Variants in EMB observed in about 807,000 individuals in gnomAD.
EMB encodes the protein embigin homolog.
Under a neutral mutation model 41.4 loss-of-function variants are expected in EMB, and 31 were observed. That is an observed-to-expected ratio of 0.75 (90% CI 0.56 to 1.01). EMB has a LOEUF of 1.01. Ranked by LOEUF, EMB falls within the 50% of genes least tolerant of loss-of-function variation. The pLI, the probability that EMB is intolerant of heterozygous loss-of-function variation, is 0.00. For synonymous variants in EMB, 137 were observed against 140.4 expected, an observed-to-expected ratio of 0.98 and a Z score of 0.17; for missense variants, 379 against 388.3, an observed-to-expected ratio of 0.98 and a Z score of 0.20.
Position 50,399,278 on chromosome 5 carries a change from G to A in EMB, c.979C>T (p.Gln327Ter), listed in dbSNP as rs1392060954. 6.2e-7 allele frequency: 1 copy of A among 1,607,696 alleles called. No individual in the cohort carries two copies. Among genetic ancestry groups the A allele is most frequent in the East Asian group, 2.2e-5 (1 of 44,626 alleles). Residue 327 changes from glutamine to a stop codon, truncating the protein, a stop_gained, in exon 9 of 9, where the codon CAG becomes TAG. Transcript: ENST00000303221. LOFTEE classifies it high-confidence loss of function. ...CTCGACATGATGTTTTGTATTCACT[G>A]GCCCAGAGACTCCTGAGTTAAATAA... The part of the protein sequence containing the change: ...PRHRKNESLG[Q>*]
At position 50,435,423 on chromosome 5, in the gene EMB, G is replaced by A. The variant is rs142626045; in HGVS notation, c.112+5617C>T. Among the ~76,000 whole-genome samples, 966 of 152,254 alleles carry A rather than the reference G, an allele frequency of 6.3e-3. 6 individuals are homozygous for A. Among genetic ancestry groups the A allele is most frequent in the Non-Finnish European group, 7.6e-3 (516 of 68,018 alleles). On this transcript the variant is annotated intron_variant, in intron 1 of 8. Transcript: ENST00000303221. Reference sequence around the variant, plus strand: ...TTCCAGCTCAGAATCACACATTGCCGTTGGCTATCACTTCTCTCTAATGTG... The same window carrying A: ...TTCCAGCTCAGAATCACACATTGCCATTGGCTATCACTTCTCTCTAATGTG...
chr5:50,441,687 G>C (rs1001474306), upstream of EMB, among the ~76,000 whole-genome samples: 1 of 152,192 alleles, frequency 6.6e-6, no homozygotes, highest in Admixed American at 6.5e-5. Flanking sequence ...CCAGCTGCCA[G>C]ACAACTTGTG....
At chr5:50,435,623 A>G (rs1745791653) in intron 1 of EMB, among the ~76,000 whole-genome samples, 1 of 152,074 alleles carries the variant, frequency 6.6e-6, no homozygotes, top group African/African-American at 2.4e-5. Flanking sequence ...ATGGCATACC[A>G]TTTTTTTGGT....
intron 2 of EMB, among the ~76,000 whole-genome samples, chr5:50,420,619 A>G (rs1164912155): frequency 6.6e-6 from 1 of 152,152 alleles, no homozygotes; most frequent in Non-Finnish European, 1.5e-5. Context: ...TAATTTGTTT[A>G]CTTACTTATC....
chr5:50,402,380 T>C (rs896720851), intron 6 of EMB, 61 bp from the exon 7 acceptor site: 2 of 1,468,680 alleles, frequency 1.4e-6, no homozygotes, highest in Non-Finnish European at 9.5e-7. Flanking sequence ...GGAACATATA[T>C]GCTCAATTAA....
intron 2 of EMB, among the ~76,000 whole-genome samples, chr5:50,419,199 G>C (rs1745475433): frequency 6.6e-6 from 1 of 152,116 alleles, no homozygotes; most frequent in Admixed American, 6.6e-5. Flanking sequence ...TGTTCTTGTA[G>C]CTATAAATCA....
chr5:50,408,130 A>G (rs931803906), intron 4 of EMB, among the ~76,000 whole-genome samples: 4 of 152,022 alleles, frequency 2.6e-5, no homozygotes, highest in Admixed American at 2.6e-4. Flanking sequence ...AGGGGAAGAC[A>G]GATAGTTGAG....
rs574258010 is a variant in EMB, at chr5:50,413,173, C to T, written c.197-1790G>A. Among the ~76,000 whole-genome samples, 6 of 152,342 alleles carry T rather than the reference C, an allele frequency of 3.9e-5. No homozygotes were observed. In the South Asian group the frequency reaches 1.2e-3, roughly 32 times the overall value. ...AAGCATGTACCTTGTTTGTCCTACACTAACTGTATCACTGGCTAACCAAAC... is the reference window on the plus strand; with the variant it reads ...AAGCATGTACCTTGTTTGTCCTACATTAACTGTATCACTGGCTAACCAAAC... On this transcript the variant is annotated intron_variant, in intron 2 of 8. Coordinates refer to ENST00000303221, the MANE Select transcript of EMB (RefSeq NM_198449.3).
At chr5:50,415,053 A>G (rs1745406598) in intron 2 of EMB, among the ~76,000 whole-genome samples, 1 of 152,150 alleles carries the variant, frequency 6.6e-6, no homozygotes, top group Non-Finnish European at 1.5e-5. Flanking sequence ...AAATCTGGAT[A>G]TCCCATGAGA....
chr5:50,398,483 G>A lies in EMB; in HGVS notation c.*790C>T, dbSNP rs746861818. 2.6e-5 allele frequency: 4 copies of A among 151,918 alleles called. No individual in the cohort carries two copies. Among genetic ancestry groups the A allele is most frequent in the African/African-American group, 7.3e-5 (3 of 41,372 alleles). The allele number at this position is 151,918 out of a possible 1,614,324, so 9.4% of individuals were successfully genotyped here. On this transcript the variant is annotated 3_prime_UTR_variant, in exon 9 of 9. Transcript: ENST00000303221. ...CATGAGCCACAAAAGCATCAGTGTA[G>A]CAGTGTTTTAAGTATTACGACTATA...
intron 1 of EMB, chr5:50,428,548 G>T (rs1745660829): frequency 1.0e-6 from 1 of 1,000,998 alleles, no homozygotes; most frequent in Non-Finnish European, 1.2e-6. Context: ...AGATACCAAG[G>T]AATCAGATGA....
intron 1 of EMB, among the ~76,000 whole-genome samples, chr5:50,429,426 C>A (rs905147880): frequency 1.8e-4 from 28 of 152,142 alleles, no homozygotes; most frequent in Non-Finnish European, 3.2e-4. Context: ...GATTAGATTT[C>A]CAGTTCTTTC....
chr5:50,429,360 C>G (rs1160186273), intron 1 of EMB, among the ~76,000 whole-genome samples: 5 of 152,116 alleles, frequency 3.3e-5, no homozygotes, highest in Non-Finnish European at 7.4e-5. Context: ...GAAACCTGAG[C>G]CATTTTTATT....
At chr5:50,432,304 T>C (rs1426229181) in intron 1 of EMB, among the ~76,000 whole-genome samples, 1 of 152,316 alleles carries the variant, frequency 6.6e-6, no homozygotes, top group East Asian at 1.9e-4. Flanking sequence ...AGAATAAATA[T>C]TATTCTTTAT....
intron 5 of EMB, among the ~76,000 whole-genome samples, chr5:50,404,569 C>T (rs533422201): frequency 1.1e-3 from 164 of 151,954 alleles, no homozygotes; most frequent in Admixed American, 2.6e-3. Context: ...ACGTCTAAAA[C>T]GACATTTTCA....
chr5:50,436,271 G>C (rs1745801448), intron 1 of EMB, among the ~76,000 whole-genome samples: 1 of 152,132 alleles, frequency 6.6e-6, no homozygotes, highest in South Asian at 2.1e-4. Context: ...TAAGTAAAGA[G>C]ATAGGGATTT....
At chr5:50,399,741 G>C (rs1045825206) in intron 8 of EMB, 118 bp downstream of exon 8, 3 of 753,080 alleles carry the variant, frequency 4.0e-6, no homozygotes, top group Non-Finnish European at 6.7e-6. Flanking sequence ...AAGCATATTT[G>C]AGCACATCAT....
chr5:50,405,582 C>A, intron 5 of EMB, 143 bp downstream of exon 5: 1 of 1,234,488 alleles, frequency 8.1e-7, no homozygotes, highest in Non-Finnish European at 1.1e-6. Context: ...TGTCACTGCT[C>A]TTTCTTTATG....
At chr5:50,427,465 A>T (rs1745630351) in intron 2 of EMB, among the ~76,000 whole-genome samples, 1 of 151,430 alleles carries the variant, frequency 6.6e-6, no homozygotes, top group African/African-American at 2.4e-5. Flanking sequence ...CTTTGTCAAA[A>T]ACAAATCCAA....
Sources: allele counts gnomAD v4.1 joint callset (sites outside exome capture counted in the v4.1 genomes callset), GRCh38; gene constraint gnomAD v4.1.1; transcripts MANE v1.5; gene names NCBI Gene and HGNC (gene_info 2026-07-23, HGNC 2026-07-21).